The following EFNB1 variants were observed in gnomAD, a reference collection of about 807,000 sequenced individuals.
EFNB1 encodes ephrin-B1.
A neutral mutation model predicts 18.1 loss-of-function variants in EFNB1; 1 was observed. The ratio of observed to expected loss-of-function variants is 0.06; its 90% CI spans 0.02 to 0.26. EFNB1 has a LOEUF of 0.26. Ranked by LOEUF, EFNB1 falls within the 10% of genes least tolerant of loss-of-function variation. EFNB1 has a pLI of 1.00. For synonymous variants in EFNB1, 131 were observed against 127.5 expected (o/e 1.03, Z -0.19); for missense variants, 221 against 301.8 (o/e 0.73, Z 1.98).
rs894365177 is a variant in EFNB1 at position 68,839,849 on chromosome X, G to GAGC, written c.499+96_499+98dup. ...GGGTGCATGTGTATTAGGAGTGGGG[G>GAGC]AGCAGGCGTAGGGTTACAGTATCCA... On this transcript the variant is annotated intron_variant, in intron 3 of 4. Transcript: ENST00000204961. 5.9e-6 allele frequency: 7 copies of GAGC among 1,176,530 alleles called. No individual in the cohort carries two copies. The African/African-American group carries it at 1.2e-4, about 21-fold the overall frequency.
Position 68,840,044 on chromosome X carries a change from C to T in EFNB1, c.584C>T (p.Ala195Val), listed in dbSNP as rs974195266. Residue 195 changes from alanine to valine, a missense_variant, in exon 4 of 5, where the codon GCC becomes GTC. Ala to Val is a moderately conservative substitution (Grantham distance 64). Transcript: ENST00000204961. ...AACACTGTCAAGATGGCCACACAGGCCCCTGGTAGTCGGGGCTCCCTGGGT... is the reference window on the plus strand; with the variant it reads ...AACACTGTCAAGATGGCCACACAGGTCCCTGGTAGTCGGGGCTCCCTGGGT... ...ADNTVKMATQ[A>V]PGSRGSLGDS... The T allele has an allele frequency of 8.3e-7, 1 of 1,212,000 alleles. No individual in the cohort carries two copies. The highest frequency in any genetic ancestry group is 1.1e-6 in the Non-Finnish European group (1 of 895,482).
chrX:68,831,663 T>C (rs961341624), intron 1 of EFNB1, among the ~76,000 whole-genome samples: 2 of 110,826 alleles, frequency 1.8e-5, no homozygotes, highest in Non-Finnish European at 3.8e-5. Flanking sequence ...ACCTAATTGC[T>C]CTCTCGGGTC....
Position 68,833,701 on chromosome X carries a change from C to T in EFNB1, c.128+3797C>T, listed in dbSNP as rs774436661. On this transcript the variant is annotated intron_variant, in intron 1 of 4. Coordinates refer to ENST00000204961, the MANE Select transcript of EFNB1 (RefSeq NM_004429.5). ...GCAGACCATAGCAGCCCCTCTTGGG[C>T]GTGTTTCACGATCATTGTTTTGGGT... Among the ~76,000 whole-genome samples, 8 of 112,107 alleles carry T rather than the reference C, an allele frequency of 7.1e-5. No individual in the cohort carries two copies. In the East Asian group the frequency reaches 2.0e-3, roughly 28 times the overall value.
At position 68,829,620 on chromosome X, in the gene EFNB1, G is replaced by A; in HGVS notation, c.-157G>A. ...CTCCTGGCCGGCCGGGCGGAGAAGAGCGACACCGAAGCCGGCGGGAGGGGA... is the reference window on the plus strand; with the variant it reads ...CTCCTGGCCGGCCGGGCGGAGAAGAACGACACCGAAGCCGGCGGGAGGGGA... On this transcript the variant is annotated 5_prime_UTR_variant, in exon 1 of 5. Transcript: ENST00000204961. 1 of 948,079 alleles carries A rather than the reference G, an allele frequency of 1.1e-6. No homozygotes were observed. The highest frequency in any genetic ancestry group is 1.4e-6 in the Non-Finnish European group (1 of 691,795). 78.1% of individuals were successfully genotyped at this position (948,079 alleles called of 1,213,427 possible). A position where few individuals can be genotyped will look rare whatever the true frequency, so the allele number is the denominator to read the frequency against.
chrX:68,830,370 C>G (rs755263627), intron 1 of EFNB1, among the ~76,000 whole-genome samples: 1 of 112,896 alleles, frequency 8.9e-6, no homozygotes, highest in Admixed American at 9.2e-5. Flanking sequence ...GAGCGGGACC[C>G]GGCGCTTGGG....
At chrX:68,835,005 C>T (rs1475785761) in intron 1 of EFNB1, among the ~76,000 whole-genome samples, 1 of 112,301 alleles carries the variant, frequency 8.9e-6, no homozygotes, top group Non-Finnish European at 1.9e-5. Flanking sequence ...CAGTCCAGGG[C>T]CTTGGAGGCT....
At chrX:68,830,257 G>A (rs2080441339) in intron 1 of EFNB1, among the ~76,000 whole-genome samples, 1 of 111,858 alleles carries the variant, frequency 8.9e-6, no homozygotes, top group African/African-American at 3.3e-5. Flanking sequence ...CCCTGGGAAC[G>A]TGGTGATTTT....
chrX:68,835,780 G>A (rs1171664122), intron 1 of EFNB1, among the ~76,000 whole-genome samples: 2 of 111,548 alleles, frequency 1.8e-5, no homozygotes, highest in African/African-American at 6.5e-5. Context: ...GGGTTTTGGG[G>A]GCAATAGTTC....
At chrX:68,838,425 C>G (rs1268263002) in intron 1 of EFNB1, among the ~76,000 whole-genome samples, 192 bp from the exon 2 acceptor site, 1 of 111,546 alleles carries the variant, frequency 9.0e-6, no homozygotes, top group Non-Finnish European at 1.9e-5. Flanking sequence ...CATGGGCCAC[C>G]CCTTCCACAC....
At position 68,838,612 on chromosome X, in the gene EFNB1, G is replaced by A; in HGVS notation, c.129-5G>A. The A allele has an allele frequency of 8.3e-7, 1 of 1,211,736 alleles. No homozygotes were observed. Among genetic ancestry groups the A allele is most frequent in the Non-Finnish European group, 1.1e-6 (1 of 895,470 alleles). The stretch of plus-strand genomic sequence containing the variant: ...GAGGCTGACCATCTTCTTCCTTCTG[G>A]GCAGGTTCCTGAGTGGGAAGGGCTT... On this transcript the variant is annotated splice_polypyrimidine_tract_variant and splice_region_variant and intron_variant, in intron 1 of 4. Coordinates refer to ENST00000204961, the MANE Select transcript of EFNB1 (RefSeq NM_004429.5).
chrX:68,831,749 C>T (rs897565527), intron 1 of EFNB1, among the ~76,000 whole-genome samples: 1 of 110,841 alleles, frequency 9.0e-6, no homozygotes, highest in Non-Finnish European at 1.9e-5. Flanking sequence ...GGAAGAAACA[C>T]GATCTGTCTG....
At chrX:68,832,811 C>CGTGTGTGTGTGT (rs3085479) in intron 1 of EFNB1, among the ~76,000 whole-genome samples, 5,761 of 97,294 alleles carry the variant, frequency 0.059, 157 homozygotes, top group Admixed American at 0.081. Flanking sequence ...TCTGTGTGTG[C>CGTGTGTGTGTGT]GTGTGTGTGT....
chrX:68,841,039 C>G lies in EFNB1; in HGVS notation c.*385C>G. 1 of 202,453 alleles carries G rather than the reference C, an allele frequency of 4.9e-6. No homozygotes were observed. Among genetic ancestry groups the G allele is most frequent in the Non-Finnish European group, 9.1e-6 (1 of 109,425 alleles). The allele number at this position is 202,453 out of a possible 1,213,427, so 16.7% of individuals were successfully genotyped here. ...TCACTGTTTTTAATGCTTTTGTGTT[C>G]ATTTTTTAGCTGTCAACTCATTTTC... is the stretch of plus-strand genomic sequence containing the variant. On this transcript the variant is annotated 3_prime_UTR_variant, in exon 5 of 5. Transcript: ENST00000204961.
chrX:68,838,170 TGTGCGC>T (rs1299374490), intron 1 of EFNB1, among the ~76,000 whole-genome samples: 80 of 38,672 alleles, frequency 2.1e-3, no homozygotes, highest in Non-Finnish European at 3.2e-3. Flanking sequence ...TGTGTGTGTG[TGTGCGC>T]GCGCGCGCGC....
At position 68,841,999 on chromosome X, in the gene EFNB1, C is replaced by T. The variant is rs2080480862; in HGVS notation, c.*1345C>T. 1 of 112,628 alleles carries T rather than the reference C, an allele frequency of 8.9e-6. No individual in the cohort carries two copies. Among genetic ancestry groups the T allele is most frequent in the African/African-American group, 3.2e-5 (1 of 30,898 alleles). The allele number at this position is 112,628 out of a possible 1,213,427, so 9.3% of individuals were successfully genotyped here. On this transcript the variant is annotated 3_prime_UTR_variant, in exon 5 of 5. Transcript: ENST00000204961. Reference sequence around the variant, plus strand: ...CAGCCAGCCCCTTCCAGGTGGCAGTCGGAAGGGTTTTTGTTTTTGTTTCTG... The same window carrying T: ...CAGCCAGCCCCTTCCAGGTGGCAGTTGGAAGGGTTTTTGTTTTTGTTTCTG...
chrX:68,829,913 CTT>C lies in EFNB1; in HGVS notation c.128+10_128+11del. 4 of 1,168,151 alleles carry C rather than the reference CTT, an allele frequency of 3.4e-6. No individual in the cohort carries two copies. Among genetic ancestry groups the C allele is most frequent in the Non-Finnish European group, 4.6e-6 (4 of 873,091 alleles). On this transcript the variant is annotated intron_variant, in intron 1 of 4. Transcript: ENST00000204961. ...AGCTCCCTCAACCCCAAGTGAGTAA[CTT>C]ATCTCCTCTGGACGCTGGGGTGGGA...
intron 1 of EFNB1, among the ~76,000 whole-genome samples, chrX:68,830,112 C>G (rs1037255752): frequency 4.5e-5 from 5 of 111,220 alleles, no homozygotes; most frequent in Non-Finnish European, 9.5e-5. Context: ...TTGTGACCCC[C>G]CGGGCTTCCC....
chrX:68,835,824 C>A (rs915147386), intron 1 of EFNB1, among the ~76,000 whole-genome samples: 2 of 111,882 alleles, frequency 1.8e-5, no homozygotes, highest in South Asian at 7.6e-4. Context: ...ATGTAGACAT[C>A]TGTTTCCTCA....
At position 68,829,344 on chromosome X, in the gene EFNB1, A is replaced by G; in HGVS notation, c.-433A>G. On this transcript the variant is annotated 5_prime_UTR_variant, in exon 1 of 5. Coordinates refer to ENST00000204961, the MANE Select transcript of EFNB1 (RefSeq NM_004429.5). ...GAGCTTGTGCTGTGGGGAAACCCCC[A>G]CTTCTTCCAAGGGACAGCGATCCCG... 5.3e-6 allele frequency: 1 copy of G among 188,694 alleles called. No individual in the cohort carries two copies. Among genetic ancestry groups the G allele is most frequent in the Non-Finnish European group, 9.8e-6 (1 of 102,040 alleles). 15.6% of individuals were successfully genotyped at this position (188,694 alleles called of 1,213,427 possible).
Sources: gnomAD v4.1 joint callset for allele counts (sites outside exome capture counted in the v4.1 genomes callset) on GRCh38, gnomAD v4.1.1 for gene constraint, MANE v1.5 for transcripts, NCBI Gene and HGNC (gene_info 2026-07-23, HGNC 2026-07-21) for gene names.